OR52W1: variants seen among roughly 807,000 people sequenced by gnomAD.
OR52W1 encodes olfactory receptor family 52 subfamily W member 1, also known as olfactory receptor 52W1.
For synonymous variants in OR52W1, 158 were observed against 165.1 expected (o/e 0.96, Z 0.33); for missense variants, 418 against 391.9 (o/e 1.07, Z -0.56).
At position 6,200,024 on chromosome 11, in the gene OR52W1, C is replaced by A; in HGVS notation, c.801C>A (p.His267Gln). 1 of 1,614,120 alleles carries A rather than the reference C, an allele frequency of 6.2e-7. No individual in the cohort carries two copies. Among genetic ancestry groups the A allele is most frequent in the South Asian group, 1.1e-5 (1 of 91,082 alleles). ...CTGGTCTCTTCTCCTACCTCACACA[C>A]CGCTTTGGTCATCACACTGTCCCAA... is the stretch of plus-strand genomic sequence containing the variant. ...YIPGLFSYLT[H>Q]RFGHHTVPKP... is the part of the protein sequence containing the mutation. Residue 267 changes from histidine (H) to glutamine (Q), a missense_variant, in exon 1 of 1, where the codon CAC becomes CAA. Coordinates refer to ENST00000311352, the MANE Select transcript of OR52W1 (RefSeq NM_001005178.1).
Position 6,199,605 on chromosome 11 carries a change from G to A in OR52W1, c.382G>A (p.Ala128Thr), listed in dbSNP as rs759954726. 3.0e-5 allele frequency: 48 copies of A among 1,614,130 alleles called. No individual in the cohort carries two copies. The highest frequency in any genetic ancestry group is 3.3e-4 in the Middle Eastern group (2 of 6,084). ...GVLLAMACDR[A>T]AAIGRPLHYP... The stretch of plus-strand genomic sequence containing the variant: ...GCTTTTGGCCATGGCCTGTGATCGT[G>A]CTGCGGCAATAGGGCGTCCACTGCA... The change falls in exon 1 of 1, where the codon GCT becomes ACT. Residue 128 changes from alanine (A) to threonine (T), a missense_variant. Coordinates refer to ENST00000311352, the MANE Select transcript of OR52W1 (RefSeq NM_001005178.1).
At position 6,199,323 on chromosome 11, in the gene OR52W1, C is replaced by G; in HGVS notation, c.100C>G (p.Leu34Val). 1 of 1,614,214 alleles carries G rather than the reference C, an allele frequency of 6.2e-7. No individual in the cohort carries two copies. The highest frequency in any genetic ancestry group is 8.5e-7 in the Non-Finnish European group (1 of 1,180,032). The stretch of plus-strand genomic sequence containing the variant: ...AGGAAGTGCCCAGACTTGGCTGACA[C>G]TGGTCTTTGGGCCCATTTATCTGCT... ...GLGSAQTWLT[L>V]VFGPIYLLAL... The change falls in exon 1 of 1, where the codon CTG becomes GTG. Residue 34 changes from leucine to valine, a missense_variant. Leu to Val is a conservative substitution (Grantham distance 32, BLOSUM62 1). Coordinates refer to ENST00000311352, the MANE Select transcript of OR52W1 (RefSeq NM_001005178.1).
rs954697292 is a variant in OR52W1, at chr11:6,199,328, C to A, written c.105C>A (p.Val35=). The A allele has an allele frequency of 6.2e-7, 1 of 1,614,140 alleles. No homozygotes were observed. The highest frequency in any genetic ancestry group is 8.5e-7 in the Non-Finnish European group (1 of 1,179,978). ...LGSAQTWLTL[V]FGPIYLLALL... ...GTGCCCAGACTTGGCTGACACTGGT[C>A]TTTGGGCCCATTTATCTGCTGGCCC... Residue 35 remains valine, a synonymous_variant, in exon 1 of 1, where the codon GTC becomes GTA. Coordinates refer to ENST00000311352, the MANE Select transcript of OR52W1 (RefSeq NM_001005178.1).
chr11:6,200,024 C>G lies in OR52W1; in HGVS notation c.801C>G (p.His267Gln). 7 of 1,614,120 alleles carry G rather than the reference C, an allele frequency of 4.3e-6. No homozygotes were observed. Among genetic ancestry groups the G allele is most frequent in the Non-Finnish European group, 5.9e-6 (7 of 1,180,010 alleles). The change falls in exon 1 of 1, where the codon CAC becomes CAG. Residue 267 changes from histidine to glutamine, a missense_variant. His to Gln is a conservative substitution (Grantham distance 24, BLOSUM62 0). Transcript: ENST00000311352. ...YIPGLFSYLT[H>Q]RFGHHTVPKP... is the part of the protein sequence containing the mutation. ...CTGGTCTCTTCTCCTACCTCACACA[C>G]CGCTTTGGTCATCACACTGTCCCAA...
rs777439884 is a variant in OR52W1 at position 6,199,840 on chromosome 11, C to G, written c.617C>G (p.Ala206Gly). 2.5e-6 allele frequency: 4 copies of G among 1,614,150 alleles called. No homozygotes were observed. Among genetic ancestry groups the G allele is most frequent in the Admixed American group, 3.3e-5 (2 of 60,028 alleles). ...CAGGCCACCAACTTATATGGTCTGG[C>G]ACTTTCACTGGCCATCTCAGGTATG... ...NTQATNLYGLALSLAISGMDI... is the reference protein window; with the variant it reads ...NTQATNLYGLGLSLAISGMDI... Residue 206 changes from alanine (A) to glycine (G), a missense_variant, in exon 1 of 1, where the codon GCA becomes GGA. Coordinates refer to ENST00000311352, the MANE Select transcript of OR52W1 (RefSeq NM_001005178.1).
rs781379918 is a variant in OR52W1, at chr11:6,199,389, A to G, written c.166A>G (p.Ile56Val). 5.6e-6 allele frequency: 9 copies of G among 1,614,050 alleles called. No individual in the cohort carries two copies. The highest frequency in any genetic ancestry group is 7.6e-6 in the Non-Finnish European group (9 of 1,179,924). The change falls in exon 1 of 1, where the codon ATA becomes GTA. Residue 56 changes from isoleucine (I) to valine (V), a missense_variant. Transcript: ENST00000311352. ...GNGALPAVVW[I>V]DSTLHQPMFL... is the part of the protein sequence containing the mutation. ...TGGAGCACTGCCGGCAGTGGTGTGG[A>G]TAGACTCCACACTGCACCAGCCCAT... is the stretch of plus-strand genomic sequence containing the variant.
Position 6,199,364 on chromosome 11 carries a change from T to C in OR52W1, c.141T>C (p.Asn47=). Residue 47 remains asparagine (N), a synonymous_variant, in exon 1 of 1, where the codon AAT becomes AAC. Transcript: ENST00000311352. ...TTTATCTGCTGGCCCTGCTGGGCAATGGAGCACTGCCGGCAGTGGTGTGGA... is the reference window on the plus strand; with the variant it reads ...TTTATCTGCTGGCCCTGCTGGGCAACGGAGCACTGCCGGCAGTGGTGTGGA... ...GPIYLLALLG[N]GALPAVVWID... 6.2e-7 allele frequency: 1 copy of C among 1,614,116 alleles called. No individual in the cohort carries two copies. The highest frequency in any genetic ancestry group is 8.5e-7 in the Non-Finnish European group (1 of 1,179,988).
Position 6,199,507 on chromosome 11 carries a change from G to T in OR52W1, c.284G>T (p.Arg95Leu). Residue 95 changes from arginine to leucine, a missense_variant, in exon 1 of 1, where the codon CGA becomes CTA. Physicochemically the swap from Arg to Leu is moderately radical, Grantham distance 102. Transcript: ENST00000311352. ...CTGGCTGTGCTGTGGCTTGGGCCCCGATCTGTGCCATATGCTGTGTGCCTG... is the reference window on the plus strand; with the variant it reads ...CTGGCTGTGCTGTGGCTTGGGCCCCTATCTGTGCCATATGCTGTGTGCCTG... ...GLLAVLWLGP[R>L]SVPYAVCLVQ... 6.2e-7 allele frequency: 1 copy of T among 1,614,150 alleles called. No individual in the cohort carries two copies. Among genetic ancestry groups the T allele is most frequent in the South Asian group, 1.1e-5 (1 of 91,082 alleles).
At position 6,199,881 on chromosome 11, in the gene OR52W1, A is replaced by C; in HGVS notation, c.658A>C (p.Thr220Pro). 6.2e-7 allele frequency: 1 copy of C among 1,614,118 alleles called. No individual in the cohort carries two copies. The highest frequency in any genetic ancestry group is 1.1e-5 in the South Asian group (1 of 91,080). The change falls in exon 1 of 1, where the codon ACT (threonine) becomes CCT (proline). Residue 220 changes from threonine (T) to proline (P), a missense_variant. Coordinates refer to ENST00000311352, the MANE Select transcript of OR52W1 (RefSeq NM_001005178.1). ...AISGMDILGI[T>P]GSYGLIAHAV... ...CTCAGGTATGGATATTCTGGGTATC[A>C]CTGGCTCCTATGGACTCATTGCCCA...
At position 6,199,928 on chromosome 11, in the gene OR52W1, C is replaced by G. The variant is rs1259014035; in HGVS notation, c.705C>G (p.Thr235=). 1 of 1,614,164 alleles carries G rather than the reference C, an allele frequency of 6.2e-7. No individual in the cohort carries two copies. The highest frequency in any genetic ancestry group is 1.7e-5 in the Admixed American group (1 of 60,022). ...CCCATGCTGTGCTGCAGCTACCTAC[C>G]CGGGAGGCCCATGCCAAGGCCTTTG... The part of the protein sequence containing the change: ...LIAHAVLQLP[T]REAHAKAFGT... Residue 235 remains threonine, a synonymous_variant, in exon 1 of 1, where the codon ACC becomes ACG. Coordinates refer to ENST00000311352, the MANE Select transcript of OR52W1 (RefSeq NM_001005178.1).
At position 6,199,384 on chromosome 11, in the gene OR52W1, T is replaced by A; in HGVS notation, c.161T>A (p.Val54Glu). 1 of 1,614,094 alleles carries A rather than the reference T, an allele frequency of 6.2e-7. No homozygotes were observed. The highest frequency in any genetic ancestry group is 8.5e-7 in the Non-Finnish European group (1 of 1,179,944). ...LLGNGALPAV[V>E]WIDSTLHQPM... is the part of the protein sequence containing the mutation. ...GGCAATGGAGCACTGCCGGCAGTGG[T>A]GTGGATAGACTCCACACTGCACCAG... The change falls in exon 1 of 1, where the codon GTG (valine) becomes GAG (glutamate). Residue 54 changes from valine to glutamate, a missense_variant. Transcript: ENST00000311352.
At position 6,200,001 on chromosome 11, in the gene OR52W1, G is replaced by A. The variant is rs1376574388; in HGVS notation, c.778G>A (p.Gly260Ser). The change falls in exon 1 of 1, where the codon GGT becomes AGT. Residue 260 changes from glycine to serine, a missense_variant. Transcript: ENST00000311352. ...TGTCATTCTGGCCTTCTACATACCT[G>A]GTCTCTTCTCCTACCTCACACACCG... ...ICVILAFYIP[G>S]LFSYLTHRFG... 2 of 1,613,960 alleles carry A rather than the reference G, an allele frequency of 1.2e-6. No homozygotes were observed. Among genetic ancestry groups the A allele is most frequent in the Non-Finnish European group, 1.7e-6 (2 of 1,179,916 alleles).
rs1268079607 is a variant in OR52W1, at chr11:6,199,262, C to A, written c.39C>A (p.His13Gln). 9.3e-6 allele frequency: 15 copies of A among 1,613,712 alleles called. No homozygotes were observed. The highest frequency in any genetic ancestry group is 1.7e-5 in the Admixed American group (1 of 59,988). The change falls in exon 1 of 1, where the codon CAC (histidine) becomes CAA (glutamine). Residue 13 changes from histidine (H) to glutamine (Q), a missense_variant. Physicochemically the swap from His to Gln is conservative, Grantham distance 24. Coordinates refer to ENST00000311352, the MANE Select transcript of OR52W1 (RefSeq NM_001005178.1). ...TACAACTCAATTCCACCTTCCTACA[C>A]CCAAACTTCTTCATACTGACTGGCT... ...ETLQLNSTFL[H>Q]PNFFILTGFP...
In OR52W1 at chr11:6,199,356, C is replaced by A; in HGVS notation, c.133C>A (p.Leu45Met). 1 of 1,614,178 alleles carries A rather than the reference C, an allele frequency of 6.2e-7. No individual in the cohort carries two copies. Among genetic ancestry groups the A allele is most frequent in the Non-Finnish European group, 8.5e-7 (1 of 1,180,006 alleles). ...VFGPIYLLAL[L>M]GNGALPAVVW... ...TGGGCCCATTTATCTGCTGGCCCTG[C>A]TGGGCAATGGAGCACTGCCGGCAGT... is the stretch of plus-strand genomic sequence containing the variant. Residue 45 changes from leucine to methionine, a missense_variant, in exon 1 of 1, where the codon CTG (leucine) becomes ATG (methionine). Coordinates refer to ENST00000311352, the MANE Select transcript of OR52W1 (RefSeq NM_001005178.1).
chr11:6,199,791 G>A lies in OR52W1; in HGVS notation c.568G>A (p.Val190Ile). ...TACCTATTGTGCACACATGGCAGTG[G>A]TAGAACTGGTGGTGGGTAACACACA... The part of the protein sequence containing the change: ...GHTYCAHMAV[V>I]ELVVGNTQAT... Residue 190 changes from valine to isoleucine, a missense_variant, in exon 1 of 1, where the codon GTA (valine) becomes ATA (isoleucine). Physicochemically the swap from Val to Ile is conservative, Grantham distance 29. Coordinates refer to ENST00000311352, the MANE Select transcript of OR52W1 (RefSeq NM_001005178.1). 1 of 1,614,200 alleles carries A rather than the reference G, an allele frequency of 6.2e-7. No homozygotes were observed.
At position 6,199,801 on chromosome 11, in the gene OR52W1, TG is replaced by T; in HGVS notation, c.580del (p.Val194TrpfsTer?). 1 of 1,614,192 alleles carries T rather than the reference TG, an allele frequency of 6.2e-7. No individual in the cohort carries two copies. The highest frequency in any genetic ancestry group is 8.5e-7 in the Non-Finnish European group (1 of 1,180,022). ...GCACACATGGCAGTGGTAGAACTGG[TG>T]GTGGGTAACACACAGGCCACCAACT... ...YCAHMAVVEL[V>X]VGNTQATNLY... On this transcript the variant is annotated frameshift_variant, in exon 1 of 1. Transcript: ENST00000311352. LOFTEE classifies it low-confidence loss of function (END_TRUNC).
chr11:6,199,645 T>C lies in OR52W1; in HGVS notation c.422T>C (p.Val141Ala), dbSNP rs540150807. 2.5e-6 allele frequency: 4 copies of C among 1,614,248 alleles called. No homozygotes were observed. The South Asian group carries it at 4.4e-5, about 18-fold the overall frequency. ...IGRPLHYPVL[V>A]TKACVGYAAL... The stretch of plus-strand genomic sequence containing the variant: ...CGTCCACTGCACTACCCTGTCCTGG[T>C]CACCAAAGCCTGTGTGGGTTATGCA... The change falls in exon 1 of 1, where the codon GTC (valine) becomes GCC (alanine). Residue 141 changes from valine to alanine, a missense_variant. By Grantham distance (64) the Val-to-Ala change is moderately conservative. Transcript: ENST00000311352.
In OR52W1 at chr11:6,199,383, GT is replaced by G; in HGVS notation, c.161del (p.Val54GlyfsTer3). ...LLGNGALPAV[V>X]WIDSTLHQPM... ...GGGCAATGGAGCACTGCCGGCAGTG[GT>G]GTGGATAGACTCCACACTGCACCAG... On this transcript the variant is annotated frameshift_variant, in exon 1 of 1. Transcript: ENST00000311352. LOFTEE classifies it high-confidence loss of function. The G allele has an allele frequency of 6.2e-7, 1 of 1,614,082 alleles. No individual in the cohort carries two copies. The highest frequency in any genetic ancestry group is 8.5e-7 in the Non-Finnish European group (1 of 1,179,910).
chr11:6,199,275 A>T lies in OR52W1; in HGVS notation c.52A>T (p.Ile18Leu), dbSNP rs1239190379. ...CACCTTCCTACACCCAAACTTCTTC[A>T]TACTGACTGGCTTTCCAGGGCTAGG... is the stretch of plus-strand genomic sequence containing the variant. ...NSTFLHPNFF[I>L]LTGFPGLGSA... The change falls in exon 1 of 1, where the codon ATA (isoleucine) becomes TTA (leucine). Residue 18 changes from isoleucine to leucine, a missense_variant. Coordinates refer to ENST00000311352, the MANE Select transcript of OR52W1 (RefSeq NM_001005178.1). The T allele has an allele frequency of 6.2e-7, 1 of 1,614,054 alleles. No homozygotes were observed. Among genetic ancestry groups the T allele is most frequent in the South Asian group, 1.1e-5 (1 of 91,072 alleles).
Sources: allele counts gnomAD v4.1 joint callset, GRCh38; gene constraint gnomAD v4.1.1; transcripts MANE v1.5; gene names NCBI Gene and HGNC (gene_info 2026-07-23, HGNC 2026-07-21).